DOCK4: variants seen among roughly 807,000 people sequenced by gnomAD.
The protein encoded by DOCK4 is dedicator of cytokinesis protein 4.
DOCK4 carries 97 observed loss-of-function variants against 268.1 expected under a neutral mutation model. The ratio of observed to expected loss-of-function variants is 0.36; its 90% CI spans 0.31 to 0.43. The LOEUF (loss-of-function observed/expected upper bound fraction) is 0.43. Among genes scored for constraint, DOCK4 ranks in the 20% least tolerant of loss-of-function variants. DOCK4 has a pLI of 1.00. For synonymous variants in DOCK4, 954 were observed against 887.2 expected (o/e 1.08, Z -1.34); for missense variants, 2,145 against 2,455.7 (o/e 0.87, Z 2.67).
At chr7:111,836,906 T>C (rs953169459) in intron 25 of DOCK4, among the ~76,000 whole-genome samples, 4 of 151,980 alleles carry the variant, frequency 2.6e-5, no homozygotes, top group Non-Finnish European at 4.4e-5. Context: ...CAACTTCAAG[T>C]AGCAGAATAT....
At chr7:112,108,921 C>T (rs903144807) in intron 1 of DOCK4, among the ~76,000 whole-genome samples, 1 of 151,888 alleles carries the variant, frequency 6.6e-6, no homozygotes, top group African/African-American at 2.4e-5. Flanking sequence ...CTGCCAGGGA[C>T]CAGGATGTAA....
chr7:112,015,872 G>A (rs990121705), intron 1 of DOCK4, among the ~76,000 whole-genome samples: 19 of 152,178 alleles, frequency 1.2e-4, no homozygotes, highest in African/African-American at 3.6e-4. Context: ...GTGGAAGGAC[G>A]AAGAACATGA....
intron 25 of DOCK4, among the ~76,000 whole-genome samples, chr7:111,839,680 C>A (rs536282174): frequency 1.3e-5 from 2 of 152,320 alleles, no homozygotes; most frequent in South Asian, 4.1e-4. Flanking sequence ...ATCTACTCTA[C>A]AATGTCATTT....
At chr7:111,856,541 C>G (rs1266504983) in intron 23 of DOCK4, among the ~76,000 whole-genome samples, 3 of 152,116 alleles carry the variant, frequency 2.0e-5, no homozygotes. Flanking sequence ...ACAACAACAA[C>G]AAAAACAGAA....
At chr7:111,929,110 A>G (rs1011626951) in intron 12 of DOCK4, among the ~76,000 whole-genome samples, 3 of 152,174 alleles carry the variant, frequency 2.0e-5, no homozygotes, top group African/African-American at 7.2e-5. Context: ...TATGATGTGT[A>G]TAGATGTGTA....
At chr7:111,977,831 T>G (rs940566367) in intron 7 of DOCK4, among the ~76,000 whole-genome samples, 1 of 152,196 alleles carries the variant, frequency 6.6e-6, no homozygotes, top group Non-Finnish European at 1.5e-5. Flanking sequence ...CAAATAATAG[T>G]TTCTAACTTG....
In DOCK4 at chr7:111,900,489, G is replaced by A; in HGVS notation, c.1365C>T (p.His455=). The change falls in exon 15 of 53, where the codon CAC becomes CAT. Residue 455 remains histidine (H), a synonymous_variant. Coordinates refer to ENST00000428084, the MANE Select transcript of DOCK4 (RefSeq NM_001363540.2). ...GSGEPPASEY[H]SFVLYHNNSP... ...TGTTGTTATGGTAAAGCACAAAGGA[G>A]TGGTACTCACTGGCTGGTGGCTCCC... is the stretch of plus-strand genomic sequence containing the variant. 1 of 1,612,974 alleles carries A rather than the reference G, an allele frequency of 6.2e-7. No homozygotes were observed. The highest frequency in any genetic ancestry group is 1.1e-5 in the South Asian group (1 of 90,618).
intron 16 of DOCK4, among the ~76,000 whole-genome samples, chr7:111,891,976 A>G (rs1161469162): frequency 6.6e-6 from 1 of 152,180 alleles, no homozygotes; most frequent in Non-Finnish European, 1.5e-5. Flanking sequence ...GGGGTTATAA[A>G]GCAACTCTTT....
intron 7 of DOCK4, among the ~76,000 whole-genome samples, chr7:111,982,586 C>G (rs1169148389): frequency 6.6e-6 from 1 of 152,142 alleles, no homozygotes; most frequent in Admixed American, 6.6e-5. Context: ...GATGAATAAA[C>G]TGAGGCTTTG....
chr7:111,753,127 G>A (rs961831222), intron 42 of DOCK4, among the ~76,000 whole-genome samples: 3 of 151,736 alleles, frequency 2.0e-5, no homozygotes, highest in African/African-American at 7.3e-5. Context: ...GCCATATATG[G>A]TATATTATGT....
At chr7:112,122,688 ATTT>A (rs1812848997) in intron 1 of DOCK4, among the ~76,000 whole-genome samples, 1 of 152,058 alleles carries the variant, frequency 6.6e-6, no homozygotes, top group African/African-American at 2.4e-5. Context: ...TGAATTTGTC[ATTT>A]TTATTTCATC....
chr7:111,849,338 C>A (rs1265558662), intron 23 of DOCK4, among the ~76,000 whole-genome samples: 2 of 150,186 alleles, frequency 1.3e-5, no homozygotes, highest in African/African-American at 4.9e-5. Context: ...TCTTGGCTCA[C>A]TGCAACCTCT....
chr7:111,866,332 A>G (rs1320748573), intron 22 of DOCK4, among the ~76,000 whole-genome samples: 1 of 152,248 alleles, frequency 6.6e-6, no homozygotes, highest in East Asian at 1.9e-4. Flanking sequence ...ATTTTTTCTT[A>G]GCATCAAAAG....
chr7:112,168,675 T>C (rs1225896719), intron 1 of DOCK4, among the ~76,000 whole-genome samples: 2 of 152,142 alleles, frequency 1.3e-5, no homozygotes, highest in South Asian at 2.1e-4. Flanking sequence ...ATCATGTCAC[T>C]GTACCCCAGC....
intron 1 of DOCK4, among the ~76,000 whole-genome samples, chr7:112,087,451 C>G (rs946536878): frequency 6.6e-6 from 1 of 152,038 alleles, no homozygotes; most frequent in Non-Finnish European, 1.5e-5. Flanking sequence ...CATAAAACTG[C>G]CCAAATTCAC....
intron 1 of DOCK4, among the ~76,000 whole-genome samples, chr7:112,070,806 C>T (rs951092914): frequency 2.0e-5 from 3 of 152,220 alleles, no homozygotes; most frequent in African/African-American, 7.2e-5. Context: ...CTTAGGCACA[C>T]TGGCCCTGCC....
At chr7:111,831,225 A>AT (rs1802786729) in intron 26 of DOCK4, among the ~76,000 whole-genome samples, 1 of 152,122 alleles carries the variant, frequency 6.6e-6, no homozygotes, top group South Asian at 2.1e-4. Context: ...CATGCAGTGA[A>AT]TGGCACCACA....
At chr7:112,166,358 T>G (rs1390123830) in intron 1 of DOCK4, among the ~76,000 whole-genome samples, 1 of 152,174 alleles carries the variant, frequency 6.6e-6, no homozygotes. Flanking sequence ...GAGGTAAGTA[T>G]ACACACATGA....
chr7:112,200,730 A>AAAAAC (rs1448766007), intron 1 of DOCK4, among the ~76,000 whole-genome samples: 1 of 114,676 alleles, frequency 8.7e-6, no homozygotes, highest in African/African-American at 4.1e-5. Context: ...TAAAATAAAA[A>AAAAAC]AAAAAAAACA....
Sources: allele counts gnomAD v4.1 joint callset (sites outside exome capture counted in the v4.1 genomes callset), GRCh38; gene constraint gnomAD v4.1.1; transcripts MANE v1.5; gene names NCBI Gene and HGNC (gene_info 2026-07-23, HGNC 2026-07-21).